Variants in NKIRAS1 observed in about 807,000 individuals in gnomAD.
NKIRAS1 encodes the protein NF-kappa-B inhibitor-interacting Ras-like protein 1.
A neutral mutation model predicts 19.8 loss-of-function variants in NKIRAS1; 16 were observed. The ratio of observed to expected loss-of-function variants is 0.81; its 90% CI spans 0.55 to 1.23. The LOEUF (loss-of-function observed/expected upper bound fraction) is 1.23, where lower values mean the gene tolerates loss of function less well. NKIRAS1 is among the 50% of genes most tolerant of loss of function. The pLI, the probability that NKIRAS1 is intolerant of heterozygous loss-of-function variation, is 0.00. For synonymous variants in NKIRAS1, 88 were observed against 79.0 expected (o/e 1.11, Z -0.61); for missense variants, 184 against 220.0 (o/e 0.84, Z 1.04).
At chr3:23,946,023 G>A in intron 1 of NKIRAS1, 1 of 813,176 alleles carries the variant, frequency 1.2e-6, no homozygotes, top group Non-Finnish European at 1.5e-6. Context: ...GGACACGTGG[G>A]GGCGGGGGCG....
chr3:23,940,214 G>A (rs948231212), intron 1 of NKIRAS1, among the ~76,000 whole-genome samples: 24 of 150,558 alleles, frequency 1.6e-4, no homozygotes, highest in Non-Finnish European at 2.5e-4. Flanking sequence ...GGGTGTGGTG[G>A]TACACACCTG....
At chr3:23,944,593 GAC>G (rs1290419934) in intron 1 of NKIRAS1, among the ~76,000 whole-genome samples, 1 of 152,102 alleles carries the variant, frequency 6.6e-6, no homozygotes, top group African/African-American at 2.4e-5. Flanking sequence ...GCTGAGTTCG[GAC>G]ACACGCGTAC....
chr3:23,916,321 C>T (rs763395802), intron 1 of NKIRAS1: 4 of 152,102 alleles, frequency 2.6e-5, no homozygotes, highest in Admixed American at 2.0e-4. Context: ...AAAAAAAAAC[C>T]CGCAACGCAA....
chr3:23,913,172 C>T (rs376618064), intron 1 of NKIRAS1, among the ~76,000 whole-genome samples: 2 of 150,992 alleles, frequency 1.3e-5, no homozygotes, highest in African/African-American at 4.9e-5. Context: ...AAAAATTATA[C>T]ATTGTTTTGT....
intron 1 of NKIRAS1, among the ~76,000 whole-genome samples, chr3:23,932,041 G>A (rs1335003920): frequency 2.0e-5 from 3 of 152,142 alleles, no homozygotes; most frequent in Non-Finnish European, 4.4e-5. Flanking sequence ...ACTGACTACA[G>A]GCGATTAGAA....
At chr3:23,937,551 T>C (rs1257963532) in intron 1 of NKIRAS1, among the ~76,000 whole-genome samples, 1 of 151,558 alleles carries the variant, frequency 6.6e-6, no homozygotes, top group African/African-American at 2.4e-5. Context: ...AGTTTTGTGT[T>C]TGATGTTTTT....
upstream of NKIRAS1, chr3:23,918,030 A>G: frequency 6.2e-7 from 1 of 1,609,782 alleles, no homozygotes; most frequent in East Asian, 2.2e-5. Context: ...AGGCCAAGCA[A>G]GGTACGTGAT....
chr3:23,901,985 A>G lies in NKIRAS1; in HGVS notation c.95-936T>C, dbSNP rs111769715. ...CTACTCAGGAGGTTGAGGCAGGGAG[A>G]ATTGCTTGAACCTGGGAGGCAGAGG... On this transcript the variant is annotated intron_variant, in intron 3 of 4. Coordinates refer to ENST00000425478, the MANE Select transcript of NKIRAS1 (RefSeq NM_020345.4). Among the ~76,000 whole-genome samples, 253 of 152,274 alleles carry G rather than the reference A, an allele frequency of 1.7e-3. 1 individual carries two copies. Among genetic ancestry groups the G allele is most frequent in the African/African-American group, 6.0e-3 (250 of 41,564 alleles).
chr3:23,909,861 TTTG>T (rs1424091301), intron 3 of NKIRAS1, among the ~76,000 whole-genome samples: 3 of 117,666 alleles, frequency 2.5e-5, no homozygotes, highest in African/African-American at 8.3e-5. Flanking sequence ...TTTGTTTTTT[TTTG>T]TTTTTTTTTT....
chr3:23,945,492 C>G (rs7644275), intron 1 of NKIRAS1: 220,528 of 847,994 alleles, frequency 0.26, 30,092 homozygotes, highest in African/African-American at 0.41. Flanking sequence ...TGCTTCCAGC[C>G]CGGGGCGGCG....
In NKIRAS1 at chr3:23,910,931, G is replaced by C; in HGVS notation, c.-17-10C>G. Reference sequence around the variant, plus strand: ...TTCTCTCAGGATATCACTGTGGAGAGAATAACAGGTCTTTTAAATTGTATA... The same window carrying C: ...TTCTCTCAGGATATCACTGTGGAGACAATAACAGGTCTTTTAAATTGTATA... On this transcript the variant is annotated splice_polypyrimidine_tract_variant and intron_variant, in intron 2 of 4. Coordinates refer to ENST00000425478, the MANE Select transcript of NKIRAS1 (RefSeq NM_020345.4). The C allele has an allele frequency of 6.4e-7, 1 of 1,572,492 alleles. No homozygotes were observed. Among genetic ancestry groups the C allele is most frequent in the Non-Finnish European group, 8.8e-7 (1 of 1,142,526 alleles).
In NKIRAS1 at chr3:23,927,017, C is replaced by T. The variant is rs945190685; in HGVS notation, c.-139-15567G>A. Among the ~76,000 whole-genome samples the T allele has an allele frequency of 1.3e-5, 2 of 152,190 alleles. No homozygotes were observed. Among genetic ancestry groups the T allele is most frequent in the African/African-American group, 2.4e-5 (1 of 41,438 alleles). On this transcript the variant is annotated intron_variant, in intron 1 of 4. Coordinates refer to the NKIRAS1 transcript ENST00000421515. This position sits in a 1 kb window ranked among gnomAD's most constrained non-coding sequence, Gnocchi z 4.0. ...TCGCAGTTTTTAACCAAGCAACACTCTCCACAGCCCCAACATCATTCCAGT... is the reference window on the plus strand; with the variant it reads ...TCGCAGTTTTTAACCAAGCAACACTTTCCACAGCCCCAACATCATTCCAGT...
intron 4 of NKIRAS1, among the ~76,000 whole-genome samples, chr3:23,898,325 T>C (rs148653131): frequency 6.2e-4 from 95 of 152,188 alleles, no homozygotes; most frequent in African/African-American, 2.1e-3. Context: ...GTACGTACCA[T>C]GGAATACTAC....
intron 1 of NKIRAS1, among the ~76,000 whole-genome samples, chr3:23,929,608 G>C (rs983453493): frequency 6.6e-6 from 1 of 151,262 alleles, no homozygotes; most frequent in African/African-American, 2.4e-5. Flanking sequence ...TTTTGTTGTT[G>C]TTGTTTTTGT....
intron 4 of NKIRAS1, among the ~76,000 whole-genome samples, chr3:23,900,000 A>G (rs1702351167): frequency 6.6e-6 from 1 of 152,000 alleles, no homozygotes; most frequent in Non-Finnish European, 1.5e-5. Context: ...TGTTTCTACT[A>G]AAAATACAAA....
In NKIRAS1 at chr3:23,910,996, A is replaced by C. The variant is rs1402745733; in HGVS notation, c.-17-75T>G. The C allele has an allele frequency of 2.7e-6, 3 of 1,125,912 alleles. No homozygotes were observed. The East Asian group carries it at 7.5e-5, about 28-fold the overall frequency. The allele number at this position is 1,125,912 out of a possible 1,614,324, so 69.7% of individuals were successfully genotyped here. On this transcript the variant is annotated intron_variant, in intron 2 of 4. Transcript: ENST00000425478. ...CATTTCTTTTTCTTTCAGTATTTCAATTTAATATGTAACACATGCACAGGG... is the reference window on the plus strand; with the variant it reads ...CATTTCTTTTTCTTTCAGTATTTCACTTTAATATGTAACACATGCACAGGG...
At chr3:23,920,333 C>T (rs1337098375), upstream of NKIRAS1, 3 of 985,490 alleles carry the variant, frequency 3.0e-6, no homozygotes, top group Non-Finnish European at 3.6e-6. Context: ...TCTTGGGTTA[C>T]CCACTCTGTC....
At chr3:23,897,109 G>C (rs894923526) in intron 4 of NKIRAS1, among the ~76,000 whole-genome samples, 1 of 152,030 alleles carries the variant, frequency 6.6e-6, no homozygotes, top group Admixed American at 6.6e-5. Flanking sequence ...CTACTCAGGA[G>C]ACTGAGGCAG....
At chr3:23,937,270 C>T (rs1019024598) in intron 1 of NKIRAS1, among the ~76,000 whole-genome samples, 1 of 151,848 alleles carries the variant, frequency 6.6e-6, no homozygotes, top group African/African-American at 2.4e-5. Context: ...ACTCGGTAGG[C>T]TGAGGCACGA....
Sources: allele counts gnomAD v4.1 joint callset (sites outside exome capture counted in the v4.1 genomes callset), GRCh38; gene constraint gnomAD v4.1.1; non-coding constraint Gnocchi (gnomAD v3.1); transcripts MANE v1.5; gene names NCBI Gene and HGNC (gene_info 2026-07-23, HGNC 2026-07-21).